TNFSF4: variants seen among roughly 807,000 people sequenced by gnomAD.
The protein encoded by TNFSF4 is TNF superfamily member 4.
TNFSF4 carries 4 observed loss-of-function variants against 7.3 expected under a neutral mutation model. The ratio of observed to expected loss-of-function variants is 0.55; its 90% CI spans 0.27 to 1.25. The LOEUF is 1.25. Ranked by LOEUF, TNFSF4 falls within the 50% of genes most tolerant of loss-of-function variation. TNFSF4 has a pLI of 0.12. For synonymous variants in TNFSF4, 76 were observed against 83.7 expected (o/e 0.91, Z 0.50); for missense variants, 181 against 208.8 (o/e 0.87, Z 0.82).
At chr1:173,293,562 A>C in the TNFSF4 span, among the ~76,000 whole-genome samples, 1 of 152,100 alleles carries the variant, frequency 6.6e-6, no homozygotes, top group Non-Finnish European at 1.5e-5. Flanking sequence ...GTCTTAGCAA[A>C]GAATTTATGA....
the TNFSF4 span, among the ~76,000 whole-genome samples, chr1:173,270,148 C>A: frequency 6.6e-6 from 1 of 152,010 alleles, no homozygotes; most frequent in Admixed American, 6.6e-5. Context: ...TTGCCCTATA[C>A]TAAAATGGGG....
the TNFSF4 span, among the ~76,000 whole-genome samples, chr1:173,214,350 T>C: frequency 2.0e-5 from 3 of 152,170 alleles, no homozygotes; most frequent in African/African-American, 7.2e-5. Flanking sequence ...ACTACTGATC[T>C]TTTTAAATGA....
chr1:173,356,645 T>A, the TNFSF4 span, among the ~76,000 whole-genome samples: 3 of 152,226 alleles, frequency 2.0e-5, no homozygotes, highest in Admixed American at 6.5e-5. Context: ...TCTTTCACAA[T>A]CCAAGCTATA....
the TNFSF4 span, among the ~76,000 whole-genome samples, chr1:173,269,795 G>A: frequency 2.6e-5 from 4 of 152,134 alleles, no homozygotes; most frequent in Admixed American, 2.6e-4. Flanking sequence ...TGAAACTACA[G>A]AAAGTTTAGA....
At chr1:173,379,410 G>A in the TNFSF4 span, among the ~76,000 whole-genome samples, 19 of 152,124 alleles carry the variant, frequency 1.2e-4, no homozygotes, top group Non-Finnish European at 2.2e-4. Context: ...ATTATTCAAT[G>A]ATGTCCACCA....
chr1:173,408,163 C>T, the TNFSF4 span, among the ~76,000 whole-genome samples: 1 of 152,182 alleles, frequency 6.6e-6, no homozygotes, highest in East Asian at 1.9e-4. Context: ...ACTAAGACAA[C>T]TTCTAAATAC....
the TNFSF4 span, among the ~76,000 whole-genome samples, chr1:173,407,272 G>A: frequency 4.6e-5 from 7 of 152,030 alleles, no homozygotes; most frequent in South Asian, 2.1e-4. Flanking sequence ...CTCACAGTCA[G>A]AAAAAGAAGT....
chr1:173,179,724 T>C (rs1298716738), downstream of TNFSF4, among the ~76,000 whole-genome samples: 2 of 152,182 alleles, frequency 1.3e-5, no homozygotes, highest in Admixed American at 6.5e-5. Context: ...TGATAAGATA[T>C]AAAATGAATT....
the TNFSF4 span, among the ~76,000 whole-genome samples, chr1:173,323,484 T>G: frequency 5.9e-5 from 9 of 152,284 alleles, no homozygotes; most frequent in East Asian, 1.7e-3. Context: ...ACGCAGCTCC[T>G]CACCAGCAGT....
At chr1:173,305,884 G>A in the TNFSF4 span, among the ~76,000 whole-genome samples, 2 of 151,766 alleles carry the variant, frequency 1.3e-5, no homozygotes, top group African/African-American at 4.8e-5. Context: ...CACATGTGCG[G>A]ATTAAAAGTC....
the TNFSF4 span, among the ~76,000 whole-genome samples, chr1:173,449,210 T>C: frequency 1.3e-5 from 2 of 152,198 alleles, no homozygotes; most frequent in Admixed American, 6.5e-5. Flanking sequence ...TCACCTGCCA[T>C]GATTGTAAGC....
chr1:173,429,246 C>A, the TNFSF4 span, among the ~76,000 whole-genome samples: 1 of 151,926 alleles, frequency 6.6e-6, no homozygotes, highest in Non-Finnish European at 1.5e-5. Context: ...CTGGTTTCTA[C>A]GAAAAATGAT....
At chr1:173,192,456 C>G (rs1351968281) in intron 1 of TNFSF4, among the ~76,000 whole-genome samples, 1 of 151,984 alleles carries the variant, frequency 6.6e-6, no homozygotes, top group African/African-American at 2.4e-5. Flanking sequence ...ACAAGAGAAG[C>G]CAATCTGAAA....
the TNFSF4 span, among the ~76,000 whole-genome samples, chr1:173,283,037 C>CA: frequency 6.6e-6 from 1 of 152,160 alleles, no homozygotes; most frequent in African/African-American, 2.4e-5. Flanking sequence ...TCTATCAGTA[C>CA]ATGCTATACT....
the TNFSF4 span, among the ~76,000 whole-genome samples, chr1:173,414,874 A>G: frequency 6.6e-6 from 1 of 152,168 alleles, no homozygotes; most frequent in African/African-American, 2.4e-5. Flanking sequence ...TCCCTCCTTG[A>G]CCAAACTTTA....
the TNFSF4 span, among the ~76,000 whole-genome samples, chr1:173,393,680 T>C: frequency 1.3e-5 from 2 of 152,244 alleles, no homozygotes; most frequent in Non-Finnish European, 2.9e-5. Context: ...CTATAGATTA[T>C]ACAGTTTTCC....
intron 1 of TNFSF4, among the ~76,000 whole-genome samples, chr1:173,196,219 G>T (rs561149168): frequency 3.9e-5 from 6 of 152,118 alleles, no homozygotes; most frequent in Non-Finnish European, 5.9e-5. Context: ...GGGAAAAACT[G>T]ATTCTTTGGT....
the TNFSF4 span, among the ~76,000 whole-genome samples, chr1:173,382,982 T>C: frequency 1.3e-5 from 2 of 152,238 alleles, no homozygotes; most frequent in Non-Finnish European, 2.9e-5. Flanking sequence ...ATGGCAATTA[T>C]CTTTTTAAAA....
intron 1 of TNFSF4, among the ~76,000 whole-genome samples, chr1:173,202,070 T>TATATATATATAGACA (rs150074641): frequency 6.7e-6 from 1 of 149,564 alleles, no homozygotes; most frequent in African/African-American, 2.5e-5. Context: ...TATATATATA[T>TATATATATATAGACA]ACACACACAC....
Sources: gnomAD v4.1 joint callset for allele counts (sites outside exome capture counted in the v4.1 genomes callset) on GRCh38, gnomAD v4.1.1 for gene constraint, MANE v1.5 for transcripts, NCBI Gene and HGNC (gene_info 2026-07-23, HGNC 2026-07-21) for gene names.